Variants in SIDT1 observed in about 807,000 individuals in gnomAD.
SIDT1 encodes the protein SID1 transmembrane family, member 1.
A neutral mutation model predicts 107.5 loss-of-function variants in SIDT1; 101 were observed. That is an observed-to-expected ratio of 0.94 (90% CI 0.80 to 1.11). The LOEUF (loss-of-function observed/expected upper bound fraction) is 1.11. Among genes scored for constraint, SIDT1 ranks in the 50% least tolerant of loss-of-function variants. The pLI is 0.00. For synonymous variants in SIDT1, 395 were observed against 398.2 expected, an observed-to-expected ratio of 0.99 and a Z score of 0.10; for missense variants, 1,076 against 1,058.2, an observed-to-expected ratio of 1.02 and a Z score of -0.23.
chr3:113,615,209 A>C (rs1946017007), intron 19 of SIDT1: 3 of 923,830 alleles, frequency 3.2e-6, no homozygotes, highest in Admixed American at 4.3e-5. Context: ...GTGGGGAGCC[A>C]GAGAGAGGCT....
At chr3:113,610,960 T>C in intron 17 of SIDT1, 48 bp from the exon 18 acceptor site, 2 of 1,595,222 alleles carry the variant, frequency 1.3e-6, no homozygotes, top group South Asian at 2.2e-5. Flanking sequence ...ATCATCTGTC[T>C]GTCACCTACT....
intron 20 of SIDT1, among the ~76,000 whole-genome samples, chr3:113,619,469 G>A (rs1946315649): frequency 1.3e-5 from 2 of 152,222 alleles, no homozygotes; most frequent in Non-Finnish European, 1.5e-5. Context: ...CTTTCTCAGG[G>A]ATGAAGTCAG....
the SIDT1 span, among the ~76,000 whole-genome samples, chr3:113,634,814 C>T: frequency 6.6e-6 from 1 of 151,994 alleles, no homozygotes; most frequent in Non-Finnish European, 1.5e-5. Context: ...GAAAAAAATA[C>T]AAAAATTTAA....
At chr3:113,571,449 C>T (rs2107420626) in intron 3 of SIDT1, among the ~76,000 whole-genome samples, 1 of 150,928 alleles carries the variant, frequency 6.6e-6, no homozygotes, top group Non-Finnish European at 1.5e-5. Context: ...AACAACTCTA[C>T]TTTAAAGCAT....
chr3:113,532,913 C>T lies in SIDT1; in HGVS notation c.-109C>T, dbSNP rs1029277262. ...CTGGGTTCGCCAGGCATCACCCGCT[C>T]GGCTCTGAAGCGGACGCCTGGCCCT... On this transcript the variant is annotated 5_prime_UTR_variant, in exon 1 of 25. Transcript: ENST00000264852. 58 of 732,012 alleles carry T rather than the reference C, an allele frequency of 7.9e-5. No individual in the cohort carries two copies. Among genetic ancestry groups the T allele is most frequent in the Non-Finnish European group, 9.3e-5 (48 of 517,084 alleles). The allele number at this position is 732,012 out of a possible 1,614,324, so 45.3% of individuals were successfully genotyped here. A position where few individuals can be genotyped will look rare whatever the true frequency, so the allele number is the denominator to read the frequency against.
intron 21 of SIDT1, among the ~76,000 whole-genome samples, chr3:113,621,026 G>A (rs2085747112): frequency 1.3e-5 from 2 of 152,202 alleles, no homozygotes; most frequent in Non-Finnish European, 2.9e-5. Flanking sequence ...TTATCTGATA[G>A]TGGGCTACCT....
rs770860758 is a variant in SIDT1, at chr3:113,603,916, G to A, written c.1264-44G>A. The A allele has an allele frequency of 8.1e-6, 11 of 1,354,244 alleles. No homozygotes were observed. The South Asian group carries it at 8.5e-5, about 10-fold the overall frequency. 83.9% of individuals were successfully genotyped at this position (1,354,244 alleles called of 1,614,324 possible). A position where few individuals can be genotyped will look rare whatever the true frequency, so the allele number is the denominator to read the frequency against. Reference sequence around the variant, plus strand: ...TTTGCCTTTGTATCTCATGCATAAAGAGCTGAGTACAGTTTTGCATTCTCT... The same window carrying A: ...TTTGCCTTTGTATCTCATGCATAAAAAGCTGAGTACAGTTTTGCATTCTCT... On this transcript the variant is annotated intron_variant, in intron 12 of 24. Coordinates refer to ENST00000264852, the MANE Select transcript of SIDT1 (RefSeq NM_017699.3).
intron 1 of SIDT1, among the ~76,000 whole-genome samples, chr3:113,542,268 T>A (rs1371761955): frequency 6.6e-6 from 1 of 152,304 alleles, no homozygotes; most frequent in Middle Eastern, 3.4e-3. Flanking sequence ...CTTTTGAATA[T>A]GTAGCTTCAG....
chr3:113,548,724 A>C (rs1576722265), intron 1 of SIDT1, among the ~76,000 whole-genome samples: 1 of 152,002 alleles, frequency 6.6e-6, no homozygotes, highest in Non-Finnish European at 1.5e-5. Flanking sequence ...TATTAGACTA[A>C]CCCTTATCTT....
intron 1 of SIDT1, among the ~76,000 whole-genome samples, chr3:113,560,331 A>T (rs1055832513): frequency 2.6e-5 from 4 of 152,180 alleles, no homozygotes; most frequent in Non-Finnish European, 5.9e-5. Flanking sequence ...AATTGCTACC[A>T]TCATACTCAT....
chr3:113,627,885 G>A lies in SIDT1; in HGVS notation c.*177G>A, dbSNP rs568754019. ...GGAGATTTAAACCTGCAAGAAAGGA[G>A]GCAGAAGGGGAGCCATGTTTTGAGG... On this transcript the variant is annotated 3_prime_UTR_variant, in exon 25 of 25. Transcript: ENST00000264852. The A allele has an allele frequency of 4.2e-5, 26 of 614,084 alleles. 2 individuals are homozygous for A. In the African/African-American group the frequency reaches 4.4e-4, roughly 10 times the overall value. The allele number at this position is 614,084 out of a possible 1,614,324, so 38.0% of individuals were successfully genotyped here. A position where few individuals can be genotyped will look rare whatever the true frequency, so the allele number is the denominator to read the frequency against.
intron 1 of SIDT1, among the ~76,000 whole-genome samples, chr3:113,545,918 G>A (rs1939532950): frequency 6.6e-6 from 1 of 152,228 alleles, no homozygotes; most frequent in Non-Finnish European, 1.5e-5. Flanking sequence ...TCTGAAATAT[G>A]ATAAACTTTG....
intron 1 of SIDT1, among the ~76,000 whole-genome samples, chr3:113,553,902 C>T (rs1469605596): frequency 1.3e-5 from 2 of 152,174 alleles, no homozygotes; most frequent in African/African-American, 4.8e-5. Flanking sequence ...AAAAAATTCG[C>T]TGGGCGTAGT....
Position 113,623,659 on chromosome 3 carries a change from T to C in SIDT1, c.2233T>C (p.Phe745Leu). 6.2e-7 allele frequency: 1 copy of C among 1,614,182 alleles called. No individual in the cohort carries two copies. The highest frequency in any genetic ancestry group is 1.1e-5 in the South Asian group (1 of 91,084). Residue 745 changes from phenylalanine to leucine, a missense_variant, in exon 23 of 25, where the codon TTC (phenylalanine) becomes CTC (leucine). Physicochemically the swap from Phe to Leu is conservative, Grantham distance 22. Coordinates refer to ENST00000264852, the MANE Select transcript of SIDT1 (RefSeq NM_017699.3). ...TGAAAAGGTCCTCCCAGTCCCGCTC[T>C]TCTGCATCGTGGCCACCGCTGTGAT... is the stretch of plus-strand genomic sequence containing the variant. ...SSEKVLPVPL[F>L]CIVATAVMWA...
At chr3:113,621,877 C>T (rs1287664785) in intron 21 of SIDT1, among the ~76,000 whole-genome samples, 1 of 152,188 alleles carries the variant, frequency 6.6e-6, no homozygotes, top group African/African-American at 2.4e-5. Flanking sequence ...CGGTCCAATA[C>T]AGTAACTATT....
intron 1 of SIDT1, among the ~76,000 whole-genome samples, chr3:113,546,841 T>C (rs1402697681): frequency 6.6e-6 from 1 of 152,190 alleles, no homozygotes; most frequent in Non-Finnish European, 1.5e-5. Context: ...CATGTTGCCA[T>C]GCAGTACCCC....
rs1002467970 is a variant in SIDT1 at position 113,533,357 on chromosome 3, C to T, written c.222+114C>T. The stretch of plus-strand genomic sequence containing the variant: ...TTGGGAGACTTCGGGGACCAGGGGA[C>T]TTTCTTTCCCTTTCTCCTCCGAAGC... On this transcript the variant is annotated intron_variant, in intron 1 of 24. Coordinates refer to ENST00000264852, the MANE Select transcript of SIDT1 (RefSeq NM_017699.3). 5 of 751,756 alleles carry T rather than the reference C, an allele frequency of 6.7e-6. No individual in the cohort carries two copies. The African/African-American group carries it at 7.4e-5, about 11-fold the overall frequency. The allele number at this position is 751,756 out of a possible 1,614,324, so 46.6% of individuals were successfully genotyped here.
intron 1 of SIDT1, among the ~76,000 whole-genome samples, chr3:113,552,805 A>G (rs1940414973): frequency 6.6e-6 from 1 of 152,204 alleles, no homozygotes. Flanking sequence ...CTACCCAAGC[A>G]CAGGTCCTGT....
chr3:113,573,332 G>A (rs1408579439), intron 3 of SIDT1, among the ~76,000 whole-genome samples: 4 of 152,152 alleles, frequency 2.6e-5, no homozygotes, highest in African/African-American at 7.2e-5. Context: ...GCCCTGGGCT[G>A]GACACAGGGA....
Sources: gnomAD v4.1 joint callset for allele counts (sites outside exome capture counted in the v4.1 genomes callset) on GRCh38, gnomAD v4.1.1 for gene constraint, MANE v1.5 for transcripts, NCBI Gene and HGNC (gene_info 2026-07-23, HGNC 2026-07-21) for gene names.